The following SLC23A2 variants were observed in gnomAD, a reference collection of about 807,000 sequenced individuals.
SLC23A2 encodes the protein solute carrier family 23 member 2.
SLC23A2 carries 36 observed loss-of-function variants against 73.3 expected under a neutral mutation model. The observed-to-expected ratio is 0.49, with a 90% confidence interval of 0.38 to 0.65. The LOEUF is 0.65. Among genes scored for constraint, SLC23A2 ranks in the 30% least tolerant of loss-of-function variants. SLC23A2 has a pLI of 0.00. For synonymous variants in SLC23A2, 343 were observed against 327.3 expected, an observed-to-expected ratio of 1.05 and a Z score of -0.52; for missense variants, 507 against 841.6, an observed-to-expected ratio of 0.60 and a Z score of 4.92.
chr20:4,860,866 C>A (rs1929937262), intron 15 of SLC23A2, among the ~76,000 whole-genome samples: 1 of 152,138 alleles, frequency 6.6e-6, no homozygotes, highest in Non-Finnish European at 1.5e-5. Context: ...CATGGTGAAA[C>A]CCCGTCTCTA....
At chr20:4,945,434 C>T (rs532681171) in intron 2 of SLC23A2, among the ~76,000 whole-genome samples, 2 of 152,194 alleles carry the variant, frequency 1.3e-5, no homozygotes, top group Middle Eastern at 3.4e-3. Flanking sequence ...CACAGGCATG[C>T]GCCACTATGC....
At position 4,872,103 on chromosome 20, in the gene SLC23A2, G is replaced by T. The variant is rs1324118911; in HGVS notation, c.1102+1833C>A. The stretch of plus-strand genomic sequence containing the variant: ...GAAACTTTCATTTAGTTTGTTACTT[G>T]ACAGCAGGGTTTTTCAACCTCAGCA... On this transcript the variant is annotated intron_variant, in intron 11 of 16. Transcript: ENST00000338244. The surrounding 1 kb of genome is among the most constrained non-coding windows in gnomAD (Gnocchi z 4.4). Among the ~76,000 whole-genome samples the T allele has an allele frequency of 6.6e-6, 1 of 151,542 alleles. No homozygotes were observed. The highest frequency in any genetic ancestry group is 2.4e-5 in the African/African-American group (1 of 41,176).
intron 9 of SLC23A2, among the ~76,000 whole-genome samples, chr20:4,882,546 C>G (rs778931363): frequency 2.6e-5 from 4 of 151,984 alleles, no homozygotes. Flanking sequence ...TTTATTTGTA[C>G]GTCATGTTCT....
intron 3 of SLC23A2, among the ~76,000 whole-genome samples, chr20:4,928,650 C>T (rs1932749987): frequency 6.6e-6 from 1 of 152,180 alleles, no homozygotes; most frequent in African/African-American, 2.4e-5. Flanking sequence ...ATTTTAAAAA[C>T]TATTTTCTTC....
chr20:4,936,646 T>TGAA (rs2086966068), intron 2 of SLC23A2, among the ~76,000 whole-genome samples: 1 of 152,188 alleles, frequency 6.6e-6, no homozygotes, highest in Non-Finnish European at 1.5e-5. Flanking sequence ...GTTAAGTTCA[T>TGAA]CTTGGTGTTC....
chr20:4,993,224 C>T (rs952866166), intron 1 of SLC23A2, among the ~76,000 whole-genome samples: 37 of 149,922 alleles, frequency 2.5e-4, no homozygotes, highest in Admixed American at 6.7e-5. Context: ...GTGGAGCTTG[C>T]AGTGAGCTGA....
intron 6 of SLC23A2, among the ~76,000 whole-genome samples, chr20:4,892,019 G>C (rs1467332760): frequency 1.3e-5 from 2 of 152,152 alleles, no homozygotes; most frequent in African/African-American, 4.8e-5. Flanking sequence ...CTCCCAAAGT[G>C]CTGGGAATGC....
chr20:4,906,878 T>C (rs1431374801), intron 4 of SLC23A2, among the ~76,000 whole-genome samples: 1 of 151,920 alleles, frequency 6.6e-6, no homozygotes, highest in Non-Finnish European at 1.5e-5. Context: ...TGTGACCAAT[T>C]TGGGAGAGGG....
At chr20:4,974,810 C>T (rs1055288342) in intron 1 of SLC23A2, among the ~76,000 whole-genome samples, 2 of 152,126 alleles carry the variant, frequency 1.3e-5, no homozygotes, top group Admixed American at 6.6e-5. Context: ...GTTTTTGAGA[C>T]GGAGTCTCGC....
chr20:4,874,406 G>GAATCAGAATGTTT (rs1930574410), intron 10 of SLC23A2, among the ~76,000 whole-genome samples, 170 bp downstream of exon 10: 1 of 152,214 alleles, frequency 6.6e-6, no homozygotes, highest in Admixed American at 6.5e-5. Flanking sequence ...TCCCATTTCA[G>GAATCAGAATGTTT]AATCAGAATG....
At chr20:4,976,473 C>T (rs536943229) in intron 1 of SLC23A2, among the ~76,000 whole-genome samples, 4 of 149,878 alleles carry the variant, frequency 2.7e-5, no homozygotes, top group African/African-American at 4.9e-5. Flanking sequence ...GTCGGGAGTT[C>T]GAGACCAGCC....
intron 2 of SLC23A2, among the ~76,000 whole-genome samples, chr20:4,941,249 C>T (rs912314021): frequency 4.6e-5 from 7 of 151,926 alleles, no homozygotes; most frequent in Non-Finnish European, 1.0e-4. Flanking sequence ...GTCGGTCAGG[C>T]ATGGTGGCTC....
chr20:4,938,068 T>C (rs2086987757), intron 2 of SLC23A2, among the ~76,000 whole-genome samples: 4 of 151,400 alleles, frequency 2.6e-5, no homozygotes, highest in Non-Finnish European at 5.9e-5. Flanking sequence ...TCTCACTCTG[T>C]TGCCCAAGCT....
At chr20:4,882,860 T>C (rs909154642) in intron 9 of SLC23A2, among the ~76,000 whole-genome samples, 7 of 152,224 alleles carry the variant, frequency 4.6e-5, no homozygotes, top group Admixed American at 1.3e-4. Flanking sequence ...TGATGACTTA[T>C]TTTGTTTTAG....
At position 4,883,933 on chromosome 20, in the gene SLC23A2, T is replaced by A. The variant is rs886167386; in HGVS notation, c.643-110A>T. Reference sequence around the variant, plus strand: ...TTCTGCAAGGCAATAAGTTATTACATCATCTAACTTGGGAGAGATAGCTAG... The same window carrying A: ...TTCTGCAAGGCAATAAGTTATTACAACATCTAACTTGGGAGAGATAGCTAG... On this transcript the variant is annotated intron_variant, in intron 8 of 16. Coordinates refer to ENST00000338244, the MANE Select transcript of SLC23A2 (RefSeq NM_005116.6). The surrounding 1 kb of genome is among the most constrained non-coding windows in gnomAD (Gnocchi z 4.5). 3.9e-6 allele frequency: 3 copies of A among 759,728 alleles called. No individual in the cohort carries two copies. The highest frequency in any genetic ancestry group is 6.1e-6 in the Non-Finnish European group (3 of 494,992). 47.1% of individuals were successfully genotyped at this position (759,728 alleles called of 1,614,324 possible).
chr20:4,902,516 G>A lies in SLC23A2; in HGVS notation c.250C>T (p.Pro84Ser). The stretch of plus-strand genomic sequence containing the variant: ...GTATAAATCATGTCTGATCGCTGGG[G>A]GTCCAGACTGCCAGTGCTATCCAGG... ...ETLDSTGSLD[P>S]QRSDMIYTIE... Residue 84 changes from proline to serine, a missense_variant, in exon 5 of 17, where the codon CCC becomes TCC. Transcript: ENST00000338244. The surrounding 1 kb of genome is among the most constrained non-coding windows in gnomAD (Gnocchi z 4.0). 1.2e-6 allele frequency: 2 copies of A among 1,612,656 alleles called. No homozygotes were observed. The highest frequency in any genetic ancestry group is 2.2e-5 in the South Asian group (2 of 90,938).
chr20:5,008,817 T>A (rs534854944), intron 1 of SLC23A2, among the ~76,000 whole-genome samples: 27 of 152,208 alleles, frequency 1.8e-4, no homozygotes, highest in Admixed American at 1.5e-3. Flanking sequence ...CCCTCCCGCC[T>A]CAGCCTCCCA....
chr20:4,931,503 T>TCCCAGTGCTTTA, intron 3 of SLC23A2, among the ~76,000 whole-genome samples: 1 of 152,226 alleles, frequency 6.6e-6, no homozygotes, highest in East Asian at 1.9e-4. Flanking sequence ...ATGCTTATAA[T>TCCCAGTGCTTTA]CCCAGTGCTT....
chr20:4,927,008 C>G (rs538375625), intron 3 of SLC23A2, among the ~76,000 whole-genome samples: 9 of 152,050 alleles, frequency 5.9e-5, no homozygotes, highest in African/African-American at 1.7e-4. Flanking sequence ...CTCTAGATGC[C>G]TTAACAGCTG....
Sources: allele counts gnomAD v4.1 joint callset (sites outside exome capture counted in the v4.1 genomes callset), GRCh38; gene constraint gnomAD v4.1.1; non-coding constraint Gnocchi (gnomAD v3.1); transcripts MANE v1.5; gene names NCBI Gene and HGNC (gene_info 2026-07-23, HGNC 2026-07-21).